Variants in KLKB1 observed in about 807,000 individuals in gnomAD.
The protein encoded by KLKB1 is plasma kallikrein.
KLKB1 carries 58 observed loss-of-function variants against 73.6 expected under a neutral mutation model. The observed-to-expected ratio is 0.79, with a 90% CI of 0.64 to 0.98. The LOEUF (loss-of-function observed/expected upper bound fraction) is 0.98. Ranked by LOEUF, KLKB1 falls within the 50% of genes least tolerant of loss-of-function variation. The probability of loss-of-function intolerance (pLI) is 0.00; values close to 1 mark genes in which losing one functional copy is unlikely to be tolerated. For synonymous variants in KLKB1, 280 were observed against 258.1 expected, an observed-to-expected ratio of 1.08 and a Z score of -0.81; for missense variants, 737 against 763.8, an observed-to-expected ratio of 0.96 and a Z score of 0.41.
intron 13 of KLKB1, 36 bp downstream of exon 13, chr4:186,256,123 A>T: frequency 7.5e-7 from 1 of 1,331,528 alleles, no homozygotes; most frequent in South Asian, 1.2e-5. Context: ...TTCTAGAGTA[A>T]GTCTCACATG....
chr4:186,235,927 G>A (rs937456565), intron 4 of KLKB1, among the ~76,000 whole-genome samples: 15 of 151,720 alleles, frequency 9.9e-5, no homozygotes, highest in South Asian at 2.1e-4. Context: ...CATCCTGGCT[G>A]ACACGGTGAA....
chr4:186,215,438 C>A (rs1046591419), intron 2 of KLKB1, among the ~76,000 whole-genome samples: 3 of 148,292 alleles, frequency 2.0e-5, no homozygotes, highest in African/African-American at 7.4e-5. Context: ...TCTCTCTCTC[C>A]TTGCTTGCTT....
intron 6 of KLKB1, among the ~76,000 whole-genome samples, chr4:186,241,085 G>A (rs537928398): frequency 2.0e-5 from 3 of 152,262 alleles, no homozygotes; most frequent in South Asian, 2.1e-4. Context: ...GCTGTTTCAG[G>A]TGGTGTTTTG....
intron 4 of KLKB1, among the ~76,000 whole-genome samples, chr4:186,236,004 C>T (rs1222979200): frequency 2.0e-5 from 3 of 151,308 alleles, no homozygotes; most frequent in Non-Finnish European, 4.4e-5. Context: ...GTCCCAGCTA[C>T]TCGGGAGGCT....
At chr4:186,256,341 G>T (rs977912554) in intron 13 of KLKB1, among the ~76,000 whole-genome samples, 1 of 152,166 alleles carries the variant, frequency 6.6e-6, no homozygotes, top group African/African-American at 2.4e-5. Context: ...GCATGAAGCA[G>T]ATTGGGCCCT....
chr4:186,229,938 A>G (rs2126626707), intron 2 of KLKB1, among the ~76,000 whole-genome samples: 1 of 152,026 alleles, frequency 6.6e-6, no homozygotes, highest in African/African-American at 2.4e-5. Flanking sequence ...TAAGACTCTT[A>G]TGTTTTTTTT....
At chr4:186,214,028 A>G (rs532598926) in intron 2 of KLKB1, among the ~76,000 whole-genome samples, 1 of 152,122 alleles carries the variant, frequency 6.6e-6, no homozygotes, top group African/African-American at 2.4e-5. Context: ...CACTTTCTCA[A>G]CCTTTGTTGA....
intron 2 of KLKB1, among the ~76,000 whole-genome samples, chr4:186,213,645 C>G (rs1736800939): frequency 6.6e-6 from 1 of 152,226 alleles, no homozygotes; most frequent in Non-Finnish European, 1.5e-5. Context: ...ACAGGCATCA[C>G]TGGTCCCAGG....
chr4:186,249,666 A>G (rs986980505), intron 6 of KLKB1, among the ~76,000 whole-genome samples: 1 of 152,202 alleles, frequency 6.6e-6, no homozygotes, highest in Non-Finnish European at 1.5e-5. Flanking sequence ...CAGGATTTTG[A>G]TAGAGAGTGC....
At chr4:186,250,438 G>A (rs1483264134) in intron 7 of KLKB1, 36 bp downstream of exon 7, 3 of 1,605,460 alleles carry the variant, frequency 1.9e-6, no homozygotes, top group Non-Finnish European at 2.6e-6. Flanking sequence ...ACAAAGGCGA[G>A]TATGCATGGG....
At chr4:186,231,258 T>C (rs949292205) in intron 2 of KLKB1, among the ~76,000 whole-genome samples, 3 of 152,222 alleles carry the variant, frequency 2.0e-5, no homozygotes, top group African/African-American at 7.2e-5. Context: ...ATGGTCCCAG[T>C]TGACAACTGA....
At chr4:186,245,898 C>T (rs979502714) in intron 6 of KLKB1, among the ~76,000 whole-genome samples, 7 of 148,488 alleles carry the variant, frequency 4.7e-5, no homozygotes, top group Non-Finnish European at 8.9e-5. Context: ...TCTGACCCTT[C>T]TGGGTCTAGG....
intron 11 of KLKB1, among the ~76,000 whole-genome samples, chr4:186,253,447 A>T (rs1007162862): frequency 2.0e-5 from 3 of 152,312 alleles, no homozygotes; most frequent in Admixed American, 2.0e-4. Flanking sequence ...TGTGACTTTA[A>T]GGTGGTTGGC....
chr4:186,258,288 C>A lies in KLKB1; in HGVS notation c.*76C>A. 8.2e-7 allele frequency: 1 copy of A among 1,224,792 alleles called. No individual in the cohort carries two copies. The highest frequency in any genetic ancestry group is 1.2e-6 in the Non-Finnish European group (1 of 846,562). The allele number at this position is 1,224,792 out of a possible 1,614,324, so 75.9% of individuals were successfully genotyped here. A position where few individuals can be genotyped will look rare whatever the true frequency, so the allele number is the denominator to read the frequency against. On this transcript the variant is annotated 3_prime_UTR_variant, in exon 15 of 15. Transcript: ENST00000264690. ...TCTGAGCCTGGGGGGTCCTCATCTG[C>A]AAAGCATGGAGAGTGGCATCTTCTT...
chr4:186,236,113 CAAA>C (rs57285912), intron 4 of KLKB1, among the ~76,000 whole-genome samples: 53,840 of 113,328 alleles, frequency 0.48, 10,099 homozygotes, highest in East Asian at 0.56. Flanking sequence ...GACTCCGTCT[CAAA>C]AAAAAAAAAA....
chr4:186,251,398 G>C (rs1172356469), intron 8 of KLKB1, 70 bp downstream of exon 8: 18 of 1,516,264 alleles, frequency 1.2e-5, no homozygotes, highest in Non-Finnish European at 1.5e-5. Flanking sequence ...CAACAGTGAT[G>C]AAACAATCCT....
intron 2 of KLKB1, among the ~76,000 whole-genome samples, chr4:186,214,094 T>C (rs1736822308): frequency 6.6e-6 from 1 of 152,236 alleles, no homozygotes; most frequent in East Asian, 1.9e-4. Context: ...CCAGCTGCAA[T>C]TGAAGAAGAG....
intron 6 of KLKB1, among the ~76,000 whole-genome samples, chr4:186,244,279 T>A (rs34899763): frequency 0.69 from 104,250 of 151,972 alleles, 35,975 homozygotes; most frequent in East Asian, 0.85. Flanking sequence ...TGGTAAAACT[T>A]AGTATCCAAA....
chr4:186,231,385 T>C (rs1297817448), intron 2 of KLKB1, among the ~76,000 whole-genome samples: 2 of 152,224 alleles, frequency 1.3e-5, no homozygotes, highest in African/African-American at 4.8e-5. Flanking sequence ...TCTAATAATA[T>C]GTGGGGTGCA....
Sources: gnomAD v4.1 joint callset for allele counts (sites outside exome capture counted in the v4.1 genomes callset) on GRCh38, gnomAD v4.1.1 for gene constraint, MANE v1.5 for transcripts, NCBI Gene and HGNC (gene_info 2026-07-23, HGNC 2026-07-21) for gene names.